RANBP2: variants seen among roughly 807,000 people sequenced by gnomAD.
RANBP2 encodes RAN binding protein 2.
In RANBP2, 57 loss-of-function variants were observed where a neutral mutation model predicts 303.6. The ratio of observed to expected loss-of-function variants is 0.19; its 90% CI spans 0.15 to 0.23. The LOEUF is 0.23. Ranked by LOEUF, RANBP2 falls within the 10% of genes least tolerant of loss-of-function variation. RANBP2 has a pLI of 1.00. For synonymous variants in RANBP2, 1,167 were observed against 1,301.5 expected, an observed-to-expected ratio of 0.90 and a Z score of 2.23; for missense variants, 3,138 against 3,780.8, an observed-to-expected ratio of 0.83 and a Z score of 4.46.
chr2:108,838,962 C>T, the RANBP2 span, among the ~76,000 whole-genome samples: 6 of 152,024 alleles, frequency 3.9e-5, no homozygotes, highest in Non-Finnish European at 7.4e-5. Flanking sequence ...TCTCCTTAAA[C>T]TAGATGTGCT....
intron 24 of RANBP2, among the ~76,000 whole-genome samples, chr2:108,776,207 T>C (rs906248471): frequency 3.9e-5 from 6 of 152,188 alleles, no homozygotes; most frequent in African/African-American, 1.4e-4. Context: ...GACAATAGTG[T>C]TGTTACATGT....
At chr2:109,540,798 C>CAAAAAAAAAAAA in the RANBP2 span, among the ~76,000 whole-genome samples, 1 of 131,226 alleles carries the variant, frequency 7.6e-6, no homozygotes, top group African/African-American at 2.9e-5. Context: ...AAGACCCTGT[C>CAAAAAAAAAAAA]AAAAAAAAAA....
chr2:109,044,287 G>A, the RANBP2 span, among the ~76,000 whole-genome samples: 3 of 152,036 alleles, frequency 2.0e-5, no homozygotes, highest in Non-Finnish European at 2.9e-5. Flanking sequence ...TTGGGAGGCC[G>A]AGGCAGGCGG....
the RANBP2 span, among the ~76,000 whole-genome samples, chr2:108,841,004 T>TTTTG: frequency 0.02 from 2,994 of 151,586 alleles, 79 homozygotes; most frequent in African/African-American, 0.055. Context: ...TGTGTGTGTT[T>TTTTG]TTTGTTTGTT....
chr2:109,420,399 G>A, the RANBP2 span, among the ~76,000 whole-genome samples: 1 of 152,166 alleles, frequency 6.6e-6, no homozygotes, highest in Non-Finnish European at 1.5e-5. Context: ...CTCAGAACCT[G>A]TGTTGTTACA....
At chr2:108,791,478 A>T in the RANBP2 span, 1 of 598,584 alleles carries the variant, frequency 1.7e-6, no homozygotes, top group African/African-American at 1.9e-5. Context: ...GTAGAAAAAG[A>T]TGCTTGTAGT....
the RANBP2 span, chr2:108,906,352 T>C: frequency 1.2e-6 from 2 of 1,614,180 alleles, no homozygotes; most frequent in Non-Finnish European, 1.7e-6. Context: ...GAGGATCTTT[T>C]TCCTCCGGCT....
the RANBP2 span, among the ~76,000 whole-genome samples, chr2:109,139,804 T>G: frequency 6.6e-6 from 1 of 152,346 alleles, no homozygotes; most frequent in South Asian, 2.1e-4. Flanking sequence ...GTTTTTGAGC[T>G]TTTCAATCAC....
the RANBP2 span, among the ~76,000 whole-genome samples, chr2:109,492,593 A>C: frequency 6.6e-6 from 1 of 152,108 alleles, no homozygotes; most frequent in Non-Finnish European, 1.5e-5. Flanking sequence ...GAACCTTCCC[A>C]CGAACCCTAT....
the RANBP2 span, chr2:109,545,070 T>C: frequency 7.1e-6 from 7 of 985,384 alleles, no homozygotes; most frequent in Non-Finnish European, 8.4e-6. Flanking sequence ...TAAAGTTGAG[T>C]TGCAATATTC....
the RANBP2 span, among the ~76,000 whole-genome samples, chr2:108,813,965 A>G: frequency 6.6e-6 from 1 of 152,198 alleles, no homozygotes; most frequent in Non-Finnish European, 1.5e-5. Context: ...GTATGACTGT[A>G]TCAGAGTTTG....
chr2:109,540,798 C>CA, the RANBP2 span, among the ~76,000 whole-genome samples: 64,423 of 131,054 alleles, frequency 0.49, 16,221 homozygotes, highest in Middle Eastern at 0.64. Flanking sequence ...AAGACCCTGT[C>CA]AAAAAAAAAA....
the RANBP2 span, among the ~76,000 whole-genome samples, chr2:109,708,407 C>G: frequency 1.2e-4 from 18 of 151,338 alleles, no homozygotes; most frequent in African/African-American, 4.4e-4. Flanking sequence ...CATGTAATCC[C>G]AGCACTTTAG....
the RANBP2 span, among the ~76,000 whole-genome samples, chr2:109,622,852 G>T: frequency 2.6e-5 from 4 of 152,210 alleles, no homozygotes; most frequent in African/African-American, 9.7e-5. Context: ...TTGAGGCCGG[G>T]CACAGTGGCT....
At chr2:108,930,268 C>T in the RANBP2 span, 6 of 1,613,774 alleles carry the variant, frequency 3.7e-6, no homozygotes, top group East Asian at 1.1e-4. Context: ...GGTGTTGTGG[C>T]CTCCGTACCT....
the RANBP2 span, among the ~76,000 whole-genome samples, chr2:108,925,133 G>A: frequency 1.3e-5 from 2 of 152,224 alleles, no homozygotes; most frequent in South Asian, 2.1e-4. Flanking sequence ...CCTTGTTCAC[G>A]TCTATTGGTC....
chr2:109,164,169 C>CT, the RANBP2 span, among the ~76,000 whole-genome samples: 70 of 149,690 alleles, frequency 4.7e-4, no homozygotes, highest in African/African-American at 8.3e-4. Flanking sequence ...ATGCCTCTCT[C>CT]TTTTTTTTTT....
the RANBP2 span, among the ~76,000 whole-genome samples, chr2:109,576,833 A>G: frequency 6.6e-6 from 1 of 151,830 alleles, no homozygotes; most frequent in Non-Finnish European, 1.5e-5. Flanking sequence ...AGTAAAAGAC[A>G]CAGAAGATAT....
the RANBP2 span, chr2:109,449,245 C>T: frequency 6.2e-7 from 1 of 1,613,052 alleles, no homozygotes; most frequent in Non-Finnish European, 8.5e-7. Flanking sequence ...AACTCTCCAT[C>T]CCGCCTGCCT....
Sources: allele counts gnomAD v4.1 joint callset (sites outside exome capture counted in the v4.1 genomes callset), GRCh38; gene constraint gnomAD v4.1.1; transcripts MANE v1.5; gene names NCBI Gene and HGNC (gene_info 2026-07-23, HGNC 2026-07-21).